The following SLC12A7 variants were observed in gnomAD, a reference collection of about 807,000 sequenced individuals.
The protein encoded by SLC12A7 is K-Cl cotransporter 4.
Under a neutral mutation model 120.6 loss-of-function variants are expected in SLC12A7, and 100 were observed. The ratio of observed to expected loss-of-function variants is 0.83; its 90% CI spans 0.71 to 0.98. SLC12A7 has a LOEUF of 0.98. Among genes scored for constraint, SLC12A7 ranks in the 50% least tolerant of loss-of-function variants. The pLI is 0.00. For missense variants in SLC12A7, 1,373 were observed against 1,548.1 expected, an observed-to-expected ratio of 0.89 and a Z score of 1.90; for synonymous variants, 760 against 678.0, an observed-to-expected ratio of 1.12 and a Z score of -1.88.
intron 21 of SLC12A7, among the ~76,000 whole-genome samples, chr5:1,059,353 G>A (rs1467874961): frequency 6.6e-6 from 1 of 152,210 alleles, no homozygotes; most frequent in African/African-American, 2.4e-5. Context: ...GGCCCCACAC[G>A]CAGACCCGTG....
the SLC12A7 span, among the ~76,000 whole-genome samples, chr5:1,144,067 C>T: frequency 6.6e-6 from 1 of 152,192 alleles, no homozygotes; most frequent in Non-Finnish European, 1.5e-5. Flanking sequence ...AGGGAGGGGG[C>T]GAACAGCCCT....
intron 9 of SLC12A7, among the ~76,000 whole-genome samples, chr5:1,080,964 G>A (rs2150845884): frequency 6.6e-6 from 1 of 151,398 alleles, no homozygotes; most frequent in East Asian, 1.9e-4. Flanking sequence ...AAGATAAGCA[G>A]GGGCAGGAAG....
chr5:1,101,172 G>C (rs1406123670), intron 1 of SLC12A7, among the ~76,000 whole-genome samples: 2 of 152,184 alleles, frequency 1.3e-5, no homozygotes, highest in Non-Finnish European at 2.9e-5. Flanking sequence ...GCGGCCCTAA[G>C]CAGCTGGCAC....
chr5:1,057,272 G>T, intron 22 of SLC12A7, 199 bp downstream of exon 22: 1 of 571,050 alleles, frequency 1.8e-6, no homozygotes, highest in Non-Finnish European at 3.0e-6. Context: ...CCCGGCCACA[G>T]GGCTGAACTC....
chr5:1,081,045 G>T (rs1364566878), intron 9 of SLC12A7, among the ~76,000 whole-genome samples: 1 of 142,268 alleles, frequency 7.0e-6, no homozygotes, highest in Non-Finnish European at 1.5e-5. Flanking sequence ...GGGAGGGAGG[G>T]AAGAAGAGGG....
chr5:1,068,196 A>C (rs1737262236), intron 17 of SLC12A7, among the ~76,000 whole-genome samples: 1 of 152,236 alleles, frequency 6.6e-6, no homozygotes, highest in Non-Finnish European at 1.5e-5. Context: ...GCACTTTGGG[A>C]GGCCGAAGCA....
chr5:1,124,795 TA>T, the SLC12A7 span, among the ~76,000 whole-genome samples: 1 of 151,692 alleles, frequency 6.6e-6, no homozygotes, highest in Admixed American at 6.6e-5. Context: ...AACGGAGTAA[TA>T]AAAAAAGTGT....
At chr5:1,058,451 C>T (rs1355460235) in intron 21 of SLC12A7, among the ~76,000 whole-genome samples, 1 of 152,224 alleles carries the variant, frequency 6.6e-6, no homozygotes, top group Non-Finnish European at 1.5e-5. Flanking sequence ...CTGGAATGGC[C>T]ACCTCTCCCA....
At chr5:1,128,212 C>A in the SLC12A7 span, among the ~76,000 whole-genome samples, 2 of 152,184 alleles carry the variant, frequency 1.3e-5, no homozygotes, top group African/African-American at 2.4e-5. Context: ...CTCAACCTGG[C>A]GGGAAGTCCG....
chr5:1,118,582 G>A, the SLC12A7 span, among the ~76,000 whole-genome samples: 133 of 152,364 alleles, frequency 8.7e-4, 1 homozygote, highest in South Asian at 0.025. Flanking sequence ...GTCCTTGGGC[G>A]TGAAAGGTCT....
At chr5:1,115,255 A>G (rs1013941207), upstream of SLC12A7, among the ~76,000 whole-genome samples, 1 of 152,228 alleles carries the variant, frequency 6.6e-6, no homozygotes, top group African/African-American at 2.4e-5. Context: ...TGGTGGTTAC[A>G]TTCTGTGTGT....
intron 9 of SLC12A7, among the ~76,000 whole-genome samples, chr5:1,080,873 G>A (rs1367178258): frequency 6.6e-6 from 1 of 152,240 alleles, no homozygotes; most frequent in Non-Finnish European, 1.5e-5. Flanking sequence ...GGGCTGCCTG[G>A]GAGAGCAGCA....
chr5:1,073,394 TC>T (rs1737922541), intron 17 of SLC12A7, among the ~76,000 whole-genome samples: 1 of 152,064 alleles, frequency 6.6e-6, no homozygotes, highest in Non-Finnish European at 1.5e-5. Flanking sequence ...GAGGAGGCGG[TC>T]CCAGGGTTCG....
At chr5:1,069,528 G>A (rs1737419275) in intron 17 of SLC12A7, among the ~76,000 whole-genome samples, 2 of 152,166 alleles carry the variant, frequency 1.3e-5, no homozygotes, top group African/African-American at 2.4e-5. Context: ...GAGGGACCTC[G>A]GACACACACC....
At chr5:1,080,761 C>T (rs908709706) in intron 9 of SLC12A7, among the ~76,000 whole-genome samples, 16 of 152,202 alleles carry the variant, frequency 1.1e-4, no homozygotes, top group Admixed American at 3.9e-4. Flanking sequence ...CACAGAGGGC[C>T]GAGGTCCCCG....
chr5:1,076,032 C>T (rs1020349078), intron 14 of SLC12A7, 106 bp downstream of exon 14: 1 of 947,692 alleles, frequency 1.1e-6, no homozygotes, highest in Non-Finnish European at 1.6e-6. Flanking sequence ...CCCAGTGTCC[C>T]AGCCTGTGGG....
intron 17 of SLC12A7, among the ~76,000 whole-genome samples, chr5:1,068,089 G>A (rs1579340895): frequency 6.6e-6 from 1 of 152,326 alleles, no homozygotes; most frequent in East Asian, 1.9e-4. Flanking sequence ...CCTCCCTGGC[G>A]ACTGCATGAG....
chr5:1,053,575 C>T lies in SLC12A7; in HGVS notation c.3027-93G>A, dbSNP rs1448185026. ...TGAGCCCTGATGAGCTGCATTCACA[C>T]GTGTTGGAAAGGGCTGTGTGAGTCA... On this transcript the variant is annotated intron_variant, in intron 22 of 23. Coordinates refer to ENST00000264930, the MANE Select transcript of SLC12A7 (RefSeq NM_006598.3). 1.3e-5 allele frequency: 20 copies of T among 1,492,002 alleles called. No homozygotes were observed. The Admixed American group carries it at 2.1e-4, about 16-fold the overall frequency. 92.4% of individuals were successfully genotyped at this position (1,492,002 alleles called of 1,614,324 possible).
chr5:1,111,761 G>A, intron 1 of SLC12A7, 107 bp downstream of exon 1: 2 of 1,080,290 alleles, frequency 1.9e-6, no homozygotes, highest in South Asian at 9.3e-5. Flanking sequence ...GGGAAGGGGC[G>A]CCTCCTGTAC....
Sources: gnomAD v4.1 joint callset for allele counts (sites outside exome capture counted in the v4.1 genomes callset) on GRCh38, gnomAD v4.1.1 for gene constraint, MANE v1.5 for transcripts, NCBI Gene and HGNC (gene_info 2026-07-23, HGNC 2026-07-21) for gene names.